Variants in SMG6 observed in about 807,000 individuals in gnomAD.
SMG6 encodes telomerase-binding protein EST1A.
SMG6 carries 66 observed loss-of-function variants against 142.2 expected under a neutral mutation model. The ratio of observed to expected loss-of-function variants is 0.46; its 90% confidence interval spans 0.38 to 0.57. The LOEUF is 0.57. SMG6 is among the 20% of genes least tolerant of loss of function. The probability of loss-of-function intolerance (pLI) is 0.00; values close to 1 mark genes in which losing one functional copy is unlikely to be tolerated. For synonymous variants in SMG6, 779 were observed against 702.4 expected (o/e 1.11, Z -1.72); for missense variants, 1,793 against 1,832.0 (o/e 0.98, Z 0.39).
intron 13 of SMG6, among the ~76,000 whole-genome samples, chr17:2,091,739 C>T (rs149368524): frequency 0.035 from 5,310 of 150,574 alleles, 300 homozygotes; most frequent in African/African-American, 0.12. Context: ...GGTGCGATCT[C>T]GGCTCACTGC....
At chr17:2,156,631 C>T (rs1265330293) in intron 13 of SMG6, among the ~76,000 whole-genome samples, 3 of 152,066 alleles carry the variant, frequency 2.0e-5, no homozygotes, top group Non-Finnish European at 2.9e-5. Flanking sequence ...CAAGCCTTTC[C>T]CTCCTGTCTC....
At position 2,065,567 on chromosome 17, in the gene SMG6, C is replaced by A; in HGVS notation, c.3948G>T (p.Gln1316His). The A allele has an allele frequency of 6.2e-7, 1 of 1,614,158 alleles. No individual in the cohort carries two copies. Among genetic ancestry groups the A allele is most frequent in the Non-Finnish European group, 8.5e-7 (1 of 1,180,040 alleles). The change falls in exon 17 of 19, where the codon CAG becomes CAT. Residue 1316 changes from glutamine (Q) to histidine (H), a missense_variant. Transcript: ENST00000263073. ...GGCAAGAGTCCCGACTCTCGAATCG[C>A]TGCTCGAGGAACTCGATGGACTTGC... ...KARKSIEFLE[Q>H]RFESRDSCLR...
intron 8 of SMG6, among the ~76,000 whole-genome samples, chr17:2,270,008 G>A (rs547906122): frequency 1.1e-4 from 17 of 152,128 alleles, no homozygotes; most frequent in Non-Finnish European, 1.9e-4. Context: ...CAGCCTGGGC[G>A]ACAGAGTGAG....
chr17:2,209,306 G>A (rs117966222), intron 10 of SMG6, among the ~76,000 whole-genome samples: 2,165 of 152,224 alleles, frequency 0.014, 31 homozygotes, highest in East Asian at 0.021. Context: ...TCTGTCTCCC[G>A]GGTTTAAGAG....
chr17:2,130,195 G>A lies in SMG6; in HGVS notation c.3357+42463C>T, dbSNP rs372832622. Reference sequence around the variant, plus strand: ...GAATGGCGTGAACCCGGGAAGCGGAGCTTGCAGTGAGCCGAGATTGCGCCA... The same window carrying A: ...GAATGGCGTGAACCCGGGAAGCGGAACTTGCAGTGAGCCGAGATTGCGCCA... On this transcript the variant is annotated intron_variant, in intron 13 of 18. Coordinates refer to ENST00000263073, the MANE Select transcript of SMG6 (RefSeq NM_017575.5). 1.4e-3 allele frequency among the ~76,000 whole-genome samples: 198 copies of A among 144,248 alleles called. 6 individuals carry two copies. In the South Asian group the frequency reaches 0.042, roughly 31 times the overall value. 94.6% of individuals were successfully genotyped at this position (144,248 alleles called of 152,430 possible).
chr17:2,202,977 C>T (rs572292102), intron 10 of SMG6, among the ~76,000 whole-genome samples: 1 of 152,236 alleles, frequency 6.6e-6, no homozygotes, highest in South Asian at 2.1e-4. Flanking sequence ...CCTGGCTTTC[C>T]CTTCTTCTTT....
chr17:2,196,315 G>A (rs535587274), intron 10 of SMG6, among the ~76,000 whole-genome samples: 5 of 152,256 alleles, frequency 3.3e-5, no homozygotes, highest in African/African-American at 9.6e-5. Context: ...CCAGCTACTC[G>A]GGAGGCTGAG....
intron 13 of SMG6, among the ~76,000 whole-genome samples, chr17:2,150,519 C>T (rs971691558): frequency 4.7e-5 from 7 of 150,516 alleles, no homozygotes; most frequent in Admixed American, 1.3e-4. Flanking sequence ...TCCTGGCCCT[C>T]GATGCTATGG....
intron 12 of SMG6, among the ~76,000 whole-genome samples, chr17:2,182,960 A>C (rs1056112237): frequency 5.3e-5 from 8 of 152,196 alleles, no homozygotes; most frequent in Non-Finnish European, 1.0e-4. Flanking sequence ...AGTAGAGATA[A>C]GAAAGAGAGG....
intron 13 of SMG6, among the ~76,000 whole-genome samples, chr17:2,141,467 G>A (rs141028404): frequency 5.4e-4 from 82 of 152,240 alleles, no homozygotes; most frequent in African/African-American, 1.8e-3. Context: ...TTAGAGATGC[G>A]GTCTTGCTCT....
Position 2,300,055 on chromosome 17 carries a change from G to A in SMG6, c.698C>T (p.Pro233Leu), listed in dbSNP as rs151096972. 66 of 1,614,062 alleles carry A rather than the reference G, an allele frequency of 4.1e-5. No homozygotes were observed. Among genetic ancestry groups the A allele is most frequent in the Middle Eastern group, 1.6e-4 (1 of 6,062 alleles). ...TGCGGAGCCCGGCCTCCCGCGGGCTGGGTCGTCGTGGGTTTCCCTCACCCC... is the reference window on the plus strand; with the variant it reads ...TGCGGAGCCCGGCCTCCCGCGGGCTAGGTCGTCGTGGGTTTCCCTCACCCC... ...GEGVRETHDD[P>L]ARGRPGSAKR... Residue 233 changes from proline to leucine, a missense_variant, in exon 2 of 19, where the codon CCA becomes CTA. Coordinates refer to ENST00000263073, the MANE Select transcript of SMG6 (RefSeq NM_017575.5).
chr17:2,125,977 T>C (rs988871511), intron 13 of SMG6, among the ~76,000 whole-genome samples: 5 of 145,122 alleles, frequency 3.4e-5, no homozygotes, highest in Non-Finnish European at 6.1e-5. Context: ...AAAAATCATA[T>C]GGAATCTTAA....
chr17:2,294,538 T>C (rs1350229431), intron 4 of SMG6, among the ~76,000 whole-genome samples: 2 of 152,182 alleles, frequency 1.3e-5, no homozygotes, highest in Non-Finnish European at 2.9e-5. Context: ...TGTTCTCCAC[T>C]TCAGGGCCTT....
intron 10 of SMG6, among the ~76,000 whole-genome samples, chr17:2,196,707 C>T (rs1020948390): frequency 2.6e-5 from 4 of 151,996 alleles, no homozygotes; most frequent in African/African-American, 4.8e-5. Flanking sequence ...AAGAATAAAG[C>T]GGGAGAAATC....
At chr17:2,197,231 A>G (rs1368409582) in intron 10 of SMG6, among the ~76,000 whole-genome samples, 2 of 152,192 alleles carry the variant, frequency 1.3e-5, no homozygotes, top group African/African-American at 2.4e-5. Flanking sequence ...TGTAAACCAC[A>G]TATCTGCCGA....
chr17:2,130,134 C>A (rs2070061028), intron 13 of SMG6, among the ~76,000 whole-genome samples: 1 of 150,952 alleles, frequency 6.6e-6, no homozygotes, highest in Non-Finnish European at 1.5e-5. Flanking sequence ...GTGGCGGGCG[C>A]CTGTAGTCCC....
intron 13 of SMG6, among the ~76,000 whole-genome samples, chr17:2,158,845 A>G (rs2071086406): frequency 1.4e-5 from 2 of 148,108 alleles, no homozygotes; most frequent in South Asian, 4.3e-4. Flanking sequence ...TGGGAAACAG[A>G]GCAAGACCCT....
chr17:2,099,643 C>A (rs748934236), intron 13 of SMG6, among the ~76,000 whole-genome samples: 2 of 152,102 alleles, frequency 1.3e-5, no homozygotes, highest in Non-Finnish European at 2.9e-5. Flanking sequence ...ACAAACATGA[C>A]CCATGCCTCA....
intron 6 of SMG6, among the ~76,000 whole-genome samples, chr17:2,288,738 C>G (rs1406094372): frequency 6.6e-6 from 1 of 151,770 alleles, no homozygotes; most frequent in Non-Finnish European, 1.5e-5. Flanking sequence ...CAAGACCAGC[C>G]TGGATAACAT....
Sources: allele counts gnomAD v4.1 joint callset (sites outside exome capture counted in the v4.1 genomes callset), GRCh38; gene constraint gnomAD v4.1.1; transcripts MANE v1.5; gene names NCBI Gene and HGNC (gene_info 2026-07-23, HGNC 2026-07-21).